Variants in DHRS7B observed in about 807,000 individuals in gnomAD.
The protein encoded by DHRS7B is peroxisomal reductase activating PPAR-gamma.
A neutral mutation model predicts 26.4 loss-of-function variants in DHRS7B; 24 were observed. The observed-to-expected ratio is 0.91, with a 90% CI of 0.66 to 1.28. DHRS7B has a LOEUF of 1.28. DHRS7B is among the 50% of genes most tolerant of loss of function. DHRS7B has a pLI of 0.00. For missense variants in DHRS7B, 368 were observed against 419.4 expected (o/e 0.88, Z 1.07); for synonymous variants, 142 against 166.4 (o/e 0.85, Z 1.13).
chr17:21,149,595 A>G (rs546835993), intron 1 of DHRS7B, among the ~76,000 whole-genome samples: 1 of 152,348 alleles, frequency 6.6e-6, no homozygotes, highest in South Asian at 2.1e-4. Context: ...GTAAATTAAG[A>G]CAACTAAAAG....
intron 1 of DHRS7B, among the ~76,000 whole-genome samples, chr17:21,157,237 C>A (rs1973901988): frequency 6.6e-6 from 1 of 152,134 alleles, no homozygotes; most frequent in Non-Finnish European, 1.5e-5. Context: ...TACCCTAATA[C>A]CAAAACCAAA....
Position 21,184,448 on chromosome 17 carries a change from C to G in DHRS7B, c.604C>G (p.Pro202Ala). Reference sequence around the variant, plus strand: ...CAGCATCCAGGGCAAGATGAGCATTCCTTTTCGATCAGCATGTGAGTACTT... The same window carrying G: ...CAGCATCCAGGGCAAGATGAGCATTGCTTTTCGATCAGCATGTGAGTACTT... The part of the protein sequence containing the change: ...ISSIQGKMSI[P>A]FRSAYAASKH... The change falls in exon 5 of 7, where the codon CCT becomes GCT. Residue 202 changes from proline (P) to alanine (A), a missense_variant. Transcript: ENST00000395511. The G allele has an allele frequency of 6.2e-7, 1 of 1,614,164 alleles. No individual in the cohort carries two copies.
chr17:21,155,581 A>C (rs374584381), intron 1 of DHRS7B, among the ~76,000 whole-genome samples: 4 of 152,220 alleles, frequency 2.6e-5, no homozygotes, highest in African/African-American at 9.6e-5. Flanking sequence ...TGGCATGCAG[A>C]AAATTAGTAA....
chr17:21,127,017 C>A, intron 1 of DHRS7B, 26 bp downstream of exon 1: 1 of 1,513,082 alleles, frequency 6.6e-7, no homozygotes, highest in African/African-American at 1.4e-5. Context: ...GAAGGAACCT[C>A]CGAGATGAGG....
intron 1 of DHRS7B, chr17:21,171,785 A>G (rs2144126556): frequency 3.1e-6 from 2 of 649,396 alleles, no homozygotes; most frequent in East Asian, 5.8e-5. Flanking sequence ...CCTGAGGGGC[A>G]GCATGAGGCC....
In DHRS7B at chr17:21,161,327, G is replaced by T. The variant is rs149132460; in HGVS notation, c.21-10691G>T. Among the ~76,000 whole-genome samples the T allele has an allele frequency of 6.9e-3, 1,056 of 152,214 alleles. 18 individuals are homozygous for T. Among genetic ancestry groups the T allele is most frequent in the East Asian group, 0.052 (272 of 5,190 alleles). Reference sequence around the variant, plus strand: ...GGGGTGTATGGGAACTCTACTTTCCGCTCAGTTTTCCTGTGTACCTAAAGT... The same window carrying T: ...GGGGTGTATGGGAACTCTACTTTCCTCTCAGTTTTCCTGTGTACCTAAAGT... On this transcript the variant is annotated intron_variant, in intron 1 of 6. Coordinates refer to ENST00000395511, the MANE Select transcript of DHRS7B (RefSeq NM_015510.5).
chr17:21,157,671 G>A (rs189531179), intron 1 of DHRS7B, among the ~76,000 whole-genome samples: 10 of 152,222 alleles, frequency 6.6e-5, no homozygotes, highest in African/African-American at 2.4e-4. Context: ...TCCAGTGTGG[G>A]CAAGAAAGTG....
At chr17:21,171,072 A>C (rs1399424834) in intron 1 of DHRS7B, among the ~76,000 whole-genome samples, 1 of 151,684 alleles carries the variant, frequency 6.6e-6, no homozygotes, top group Non-Finnish European at 1.5e-5. Context: ...TGTCTCATAG[A>C]CTCTGGCTCG....
intron 1 of DHRS7B, among the ~76,000 whole-genome samples, chr17:21,153,226 G>C (rs1973810234): frequency 6.6e-6 from 1 of 152,174 alleles, no homozygotes; most frequent in Admixed American, 6.5e-5. Context: ...CAAAATGCTA[G>C]AAATCAAAAG....
Position 21,145,004 on chromosome 17 carries a change from C to A in DHRS7B, c.20+18013C>A, listed in dbSNP as rs189286010. ...AATCTATACAGAGAATTGGTAGAGACCCCCACCACTCTAGTGGATTAAAAA... is the reference window on the plus strand; with the variant it reads ...AATCTATACAGAGAATTGGTAGAGAACCCCACCACTCTAGTGGATTAAAAA... On this transcript the variant is annotated intron_variant, in intron 1 of 6. Coordinates refer to ENST00000395511, the MANE Select transcript of DHRS7B (RefSeq NM_015510.5). Among the ~76,000 whole-genome samples, 265 of 151,984 alleles carry A rather than the reference C, an allele frequency of 1.7e-3. 2 individuals are homozygous for A. The highest frequency in any genetic ancestry group is 6.1e-3 in the African/African-American group (252 of 41,440).
chr17:21,166,633 C>G (rs1974120862), intron 1 of DHRS7B, among the ~76,000 whole-genome samples: 1 of 151,902 alleles, frequency 6.6e-6, no homozygotes. Context: ...ATAAGCATGA[C>G]CCATAGTTTA....
chr17:21,174,102 G>A (rs921622532), intron 2 of DHRS7B, among the ~76,000 whole-genome samples: 1 of 152,170 alleles, frequency 6.6e-6, no homozygotes. Flanking sequence ...AGTAGGGCAG[G>A]TTCTTAACTG....
rs532106119 is a variant in DHRS7B at position 21,181,537 on chromosome 17, A to G, written c.310-2057A>G. On this transcript the variant is annotated intron_variant, in intron 3 of 6. Transcript: ENST00000395511. ...TAGGAAGGCATCACATGGGCGAGAG[A>G]GAGGGAAAAGGGCTGATTTTATCCT... Among the ~76,000 whole-genome samples the G allele has an allele frequency of 4.4e-4, 67 of 152,314 alleles. 1 individual carries two copies. In the South Asian group the frequency reaches 5.8e-3, roughly 13 times the overall value.
intron 1 of DHRS7B, among the ~76,000 whole-genome samples, chr17:21,143,972 CT>C (rs1973585452): frequency 6.6e-6 from 1 of 152,198 alleles, no homozygotes; most frequent in South Asian, 2.1e-4. Context: ...ATCAAGTGGC[CT>C]TTCTTAGGCC....
chr17:21,185,133 G>A (rs1974603327), intron 5 of DHRS7B, among the ~76,000 whole-genome samples: 2 of 152,016 alleles, frequency 1.3e-5, no homozygotes, highest in Admixed American at 6.6e-5. Context: ...TTATATCTCT[G>A]GGCACTCAAA....
At chr17:21,168,301 C>A (rs746560464) in intron 1 of DHRS7B, among the ~76,000 whole-genome samples, 3 of 152,202 alleles carry the variant, frequency 2.0e-5, no homozygotes, top group Non-Finnish European at 4.4e-5. Context: ...AGATAAATGG[C>A]TCACTCTGGG....
At chr17:21,179,622 C>G (rs1478560310) in intron 3 of DHRS7B, among the ~76,000 whole-genome samples, 3 of 152,066 alleles carry the variant, frequency 2.0e-5, no homozygotes, top group African/African-American at 7.2e-5. Context: ...AATGTCTATT[C>G]AAGTCCTTTG....
intron 6 of DHRS7B, among the ~76,000 whole-genome samples, chr17:21,190,143 G>A (rs570850718): frequency 1.3e-5 from 2 of 152,150 alleles, no homozygotes; most frequent in East Asian, 3.9e-4. Context: ...TCCAGCCTGG[G>A]CAACAGAGCG....
chr17:21,147,164 G>A (rs921483149), intron 1 of DHRS7B, among the ~76,000 whole-genome samples: 1 of 152,112 alleles, frequency 6.6e-6, no homozygotes, highest in African/African-American at 2.4e-5. Flanking sequence ...GTCTGTTGAG[G>A]TGCTGAACAG....
Sources: allele counts gnomAD v4.1 joint callset (sites outside exome capture counted in the v4.1 genomes callset), GRCh38; gene constraint gnomAD v4.1.1; transcripts MANE v1.5; gene names NCBI Gene and HGNC (gene_info 2026-07-23, HGNC 2026-07-21).